COL14A1: variants seen among roughly 807,000 people sequenced by gnomAD.
COL14A1 encodes the protein collagen alpha-1(XIV) chain.
COL14A1 carries 136 observed loss-of-function variants against 230.3 expected under a neutral mutation model. That is an observed-to-expected ratio of 0.59 (90% CI 0.51 to 0.68). The LOEUF is 0.68. Among genes scored for constraint, COL14A1 ranks in the 30% least tolerant of loss-of-function variants. The pLI, the probability that COL14A1 is intolerant of heterozygous loss-of-function variation, is 0.00. For synonymous variants in COL14A1, 792 were observed against 784.1 expected (o/e 1.01, Z -0.17); for missense variants, 1,976 against 2,215.8 (o/e 0.89, Z 2.17).
At chr8:120,243,170 G>T (rs1321953294) in intron 19 of COL14A1, among the ~76,000 whole-genome samples, 1 of 152,180 alleles carries the variant, frequency 6.6e-6, no homozygotes, top group Non-Finnish European at 1.5e-5. Context: ...AGGTGGCAGA[G>T]TTCACAAGCC....
chr8:120,268,984 C>A (rs192165450), intron 25 of COL14A1, among the ~76,000 whole-genome samples: 1 of 151,688 alleles, frequency 6.6e-6, no homozygotes. Context: ...CAGAACTCAA[C>A]CTTATCAGAT....
intron 19 of COL14A1, among the ~76,000 whole-genome samples, chr8:120,237,867 C>G (rs1005370334): frequency 6.6e-6 from 1 of 152,172 alleles, no homozygotes. Context: ...AACAGTCAGG[C>G]CCCTCTGCTG....
chr8:120,332,073 T>C, intron 40 of COL14A1, 68 bp from the exon 41 acceptor site: 1 of 1,377,582 alleles, frequency 7.3e-7, no homozygotes, highest in East Asian at 2.3e-5. Flanking sequence ...GAAAAGGAAC[T>C]AAATGAGCCC....
chr8:120,212,480 A>G lies in COL14A1; in HGVS notation c.1500A>G (p.Glu500=), dbSNP rs760926012. Residue 500 remains glutamate (E), a synonymous_variant, in exon 13 of 48, where the codon GAA becomes GAG. Coordinates refer to ENST00000297848, the MANE Select transcript of COL14A1 (RefSeq NM_021110.4). ...MKIGETHTDI[E]LSGLLPNTEY... ...TTGGAGAGACCCACACAGATATTGA[A>G]TTGAGTGGGTTGTTGCCCAATACAG... is the stretch of plus-strand genomic sequence containing the variant. 2 of 1,613,336 alleles carry G rather than the reference A, an allele frequency of 1.2e-6. No individual in the cohort carries two copies. The highest frequency in any genetic ancestry group is 2.7e-5 in the African/African-American group (2 of 74,886).
chr8:120,226,669 C>G lies in COL14A1; in HGVS notation c.1907C>G (p.Thr636Arg). Reference protein sequence around the residue: ...AQQYLEIDEVTTDSFRVTWHP... With the variant: ...AQQYLEIDEVRTDSFRVTWHP... The stretch of plus-strand genomic sequence containing the variant: ...CAATACTTAGAAATTGATGAGGTGA[C>G]GACAGACAGTTTTAGGGTGACCTGG... Residue 636 changes from threonine to arginine, a missense_variant, in exon 16 of 48, where the codon ACG (threonine) becomes AGG (arginine). This residue lies in a region of COL14A1 where 1,791 missense variants were observed against 2,019.5 expected (regional missense o/e 0.89). Coordinates refer to ENST00000297848, the MANE Select transcript of COL14A1 (RefSeq NM_021110.4). 1 of 1,613,774 alleles carries G rather than the reference C, an allele frequency of 6.2e-7. No individual in the cohort carries two copies. Among genetic ancestry groups the G allele is most frequent in the Non-Finnish European group, 8.5e-7 (1 of 1,179,826 alleles).
chr8:120,196,767 G>C (rs113064195), intron 5 of COL14A1, 24 bp from the exon 6 acceptor site: 1 of 1,609,216 alleles, frequency 6.2e-7, no homozygotes. Context: ...TAACACATGC[G>C]CTTTTCTGGT....
intron 17 of COL14A1, 104 bp from the exon 18 acceptor site, chr8:120,228,606 G>A (rs950456209): frequency 2.6e-5 from 21 of 808,202 alleles, no homozygotes; most frequent in African/African-American, 1.5e-4. Flanking sequence ...GTTGTGGGAG[G>A]CAAGTGAGAT....
At chr8:120,139,434 T>C (rs1279303573) in intron 1 of COL14A1, among the ~76,000 whole-genome samples, 1 of 152,152 alleles carries the variant, frequency 6.6e-6, no homozygotes, top group East Asian at 1.9e-4. Context: ...TAGAAATGTA[T>C]TTTGAAAAGT....
intron 33 of COL14A1, 103 bp from the exon 34 acceptor site, chr8:120,289,505 C>G: frequency 2.6e-5 from 26 of 997,366 alleles, no homozygotes; most frequent in Non-Finnish European, 3.6e-5. Flanking sequence ...AGAATTCTTT[C>G]TCTTCTCTTT....
At chr8:120,155,146 G>A (rs904059906) in intron 2 of COL14A1, among the ~76,000 whole-genome samples, 2 of 152,208 alleles carry the variant, frequency 1.3e-5, no homozygotes, top group African/African-American at 4.8e-5. Flanking sequence ...ATAGGCAATA[G>A]ATGTGGTCTG....
rs776364253 is a variant in COL14A1 at position 120,209,876 on chromosome 8, A to C, written c.1442A>C (p.Glu481Ala). The change falls in exon 12 of 48, where the codon GAG becomes GCG. Residue 481 changes from glutamate to alanine, a missense_variant. Coordinates refer to ENST00000297848, the MANE Select transcript of COL14A1 (RefSeq NM_021110.4). ...CTGATCCTTTATGCTCCTCTAACAG[A>C]GGGCCTGGCTGGGGATGAAAAAGAG... is the stretch of plus-strand genomic sequence containing the variant. ...GYLILYAPLT[E>A]GLAGDEKEMK... 5.6e-6 allele frequency: 9 copies of C among 1,609,578 alleles called. No homozygotes were observed. In the Admixed American group the frequency reaches 1.5e-4, roughly 27 times the overall value.
chr8:120,266,741 C>T, intron 24 of COL14A1, 86 bp from the exon 25 acceptor site: 1 of 1,067,808 alleles, frequency 9.4e-7, no homozygotes, highest in Non-Finnish European at 1.4e-6. Flanking sequence ...TCATTGACTA[C>T]CCTGAATATT....
intron 10 of COL14A1, among the ~76,000 whole-genome samples, chr8:120,207,428 T>TTC (rs1817471872): frequency 6.6e-6 from 1 of 151,996 alleles, no homozygotes; most frequent in Admixed American, 6.6e-5. Context: ...GTGCATTTTT[T>TTC]CTACTTGGGA....
chr8:120,216,553 T>A (rs1586774504), intron 14 of COL14A1, 63 bp downstream of exon 14: 8 of 1,492,312 alleles, frequency 5.4e-6, no homozygotes, highest in Non-Finnish European at 7.3e-6. Context: ...TATGGCTACA[T>A]AACCAATCAT....
chr8:120,245,252 G>C (rs543831974), intron 20 of COL14A1, among the ~76,000 whole-genome samples: 190 of 152,076 alleles, frequency 1.2e-3, no homozygotes, highest in Non-Finnish European at 2.0e-3. Flanking sequence ...ATTACTCCCT[G>C]GTATTTTCTT....
At chr8:120,330,772 T>C (rs1310139129) in intron 40 of COL14A1, among the ~76,000 whole-genome samples, 1 of 152,130 alleles carries the variant, frequency 6.6e-6, no homozygotes, top group Non-Finnish European at 1.5e-5. Context: ...TTTGACACCT[T>C]GAGGTAGGGA....
At chr8:120,267,351 A>G (rs893610333) in intron 25 of COL14A1, among the ~76,000 whole-genome samples, 1 of 151,966 alleles carries the variant, frequency 6.6e-6, no homozygotes, top group East Asian at 1.9e-4. Context: ...TTTTTATTTC[A>G]ATAATGAACA....
chr8:120,215,148 T>A (rs1289531247), intron 13 of COL14A1, among the ~76,000 whole-genome samples: 1 of 152,160 alleles, frequency 6.6e-6, no homozygotes, highest in East Asian at 1.9e-4. Flanking sequence ...GGCAGGCAGA[T>A]CACCTGAGGT....
At chr8:120,308,048 C>G (rs1157713171) in intron 36 of COL14A1, among the ~76,000 whole-genome samples, 3 of 152,206 alleles carry the variant, frequency 2.0e-5, no homozygotes, top group Admixed American at 2.0e-4. Context: ...GTGGCATGAT[C>G]TCGGCTCACT....
Sources: allele counts gnomAD v4.1 joint callset (sites outside exome capture counted in the v4.1 genomes callset), GRCh38; gene constraint gnomAD v4.1.1; regional missense constraint gnomAD v4.1.1; transcripts MANE v1.5; gene names NCBI Gene and HGNC (gene_info 2026-07-23, HGNC 2026-07-21).